Variants in SAMSN1 observed in about 807,000 individuals in gnomAD.
SAMSN1 encodes SAM domain-containing protein SAMSN-1.
In SAMSN1, 31 loss-of-function variants were observed where a neutral mutation model predicts 42.0. The observed-to-expected ratio is 0.74, with a 90% CI of 0.55 to 1.00. The LOEUF (loss-of-function observed/expected upper bound fraction) is 1.00. Ranked by LOEUF, SAMSN1 falls within the 50% of genes least tolerant of loss-of-function variation. The pLI is 0.00. For synonymous variants in SAMSN1, 178 were observed against 151.9 expected, an observed-to-expected ratio of 1.17 and a Z score of -1.26; for missense variants, 464 against 439.4, an observed-to-expected ratio of 1.06 and a Z score of -0.50.
intron 5 of SAMSN1, among the ~76,000 whole-genome samples, chr21:14,604,561 CA>C (rs1413076028): frequency 6.6e-6 from 1 of 152,012 alleles, no homozygotes; most frequent in East Asian, 1.9e-4. Flanking sequence ...AGCAAAAAAA[CA>C]AAAAAACAAT....
At chr21:14,617,045 C>T (rs138540014) in intron 2 of SAMSN1, among the ~76,000 whole-genome samples, 71 of 152,234 alleles carry the variant, frequency 4.7e-4, no homozygotes, top group African/African-American at 1.5e-3. Context: ...TTGAGCAGAA[C>T]GTTGCTAAAA....
intron 2 of SAMSN1, among the ~76,000 whole-genome samples, chr21:14,570,925 T>A (rs550266175): frequency 6.6e-6 from 1 of 152,184 alleles, no homozygotes; most frequent in African/African-American, 2.4e-5. Context: ...TAAGACCATA[T>A]GTGGTCTGAC....
chr21:14,515,933 C>A lies in SAMSN1; in HGVS notation c.279+959G>T, dbSNP rs542027983. On this transcript the variant is annotated intron_variant, in intron 3 of 7. Coordinates refer to ENST00000400566, the MANE Select transcript of SAMSN1 (RefSeq NM_022136.5). ...TCATCAGGGAAACGTAAAGTACAAC[C>A]AAATGTAAATCAAAATCACAATGAG... is the stretch of plus-strand genomic sequence containing the variant. Among the ~76,000 whole-genome samples the A allele has an allele frequency of 2.0e-4, 31 of 152,150 alleles. No individual in the cohort carries two copies. In the East Asian group the frequency reaches 5.2e-3, roughly 26 times the overall value.
At chr21:14,500,953 T>C (rs1206019629) in intron 5 of SAMSN1, among the ~76,000 whole-genome samples, 1 of 152,138 alleles carries the variant, frequency 6.6e-6, no homozygotes, top group Non-Finnish European at 1.5e-5. Context: ...GCGGGAGGAT[T>C]GCATGAGGCC....
At chr21:14,558,494 C>G (rs2123192734) in intron 2 of SAMSN1, among the ~76,000 whole-genome samples, 1 of 152,100 alleles carries the variant, frequency 6.6e-6, no homozygotes, top group South Asian at 2.1e-4. Flanking sequence ...GCCTGGGCAA[C>G]ATGGGGAAAC....
chr21:14,520,363 T>TTA (rs1213088070), intron 2 of SAMSN1, among the ~76,000 whole-genome samples: 2 of 152,174 alleles, frequency 1.3e-5, no homozygotes, highest in Admixed American at 6.5e-5. Flanking sequence ...ACATAACATT[T>TTA]TATATATATC....
Position 14,498,659 on chromosome 21 carries a change from T to A in SAMSN1, c.769-67A>T, listed in dbSNP as rs146072980. On this transcript the variant is annotated intron_variant, in intron 6 of 7. Transcript: ENST00000400566. ...TATTTTATTTTTAGTTCTCTTTAGA[T>A]TTAAAGAAAGTATAGAGATGCACAT... The A allele has an allele frequency of 9.7e-6, 13 of 1,337,062 alleles. No homozygotes were observed. In the African/African-American group the frequency reaches 1.8e-4, roughly 19 times the overall value. 82.8% of individuals were successfully genotyped at this position (1,337,062 alleles called of 1,614,324 possible).
intron 4 of SAMSN1, chr21:14,609,633 A>G: frequency 1.4e-6 from 1 of 710,486 alleles, no homozygotes; most frequent in Non-Finnish European, 2.6e-6. Flanking sequence ...AGTATAAGAC[A>G]TTTGAAATCA....
chr21:14,532,674 T>C (rs2123099326), intron 1 of SAMSN1, among the ~76,000 whole-genome samples: 1 of 152,300 alleles, frequency 6.6e-6, no homozygotes, highest in East Asian at 1.9e-4. Context: ...GAAGGAACTG[T>C]ATTTTTAAAG....
chr21:14,546,928 C>T (rs1317333641), upstream of SAMSN1, among the ~76,000 whole-genome samples: 1 of 152,060 alleles, frequency 6.6e-6, no homozygotes, highest in Non-Finnish European at 1.5e-5. Context: ...CCAAGATGGT[C>T]TCGATCTCCT....
intron 5 of SAMSN1, among the ~76,000 whole-genome samples, chr21:14,507,915 C>T (rs1987488212): frequency 6.6e-6 from 1 of 150,978 alleles, no homozygotes; most frequent in African/African-American, 2.4e-5. Context: ...ACTTAACGGC[C>T]AACTGATTTT....
At chr21:14,504,811 G>T (rs955369964) in intron 5 of SAMSN1, among the ~76,000 whole-genome samples, 1 of 152,180 alleles carries the variant, frequency 6.6e-6, no homozygotes, top group Non-Finnish European at 1.5e-5. Flanking sequence ...GTTATCTGAA[G>T]TTAAGACAAA....
At chr21:14,509,654 A>T (rs1987588102) in intron 5 of SAMSN1, among the ~76,000 whole-genome samples, 1 of 152,096 alleles carries the variant, frequency 6.6e-6, no homozygotes, top group Non-Finnish European at 1.5e-5. Context: ...TCTCTTCATT[A>T]TTTCTATTCC....
At chr21:14,561,970 C>A (rs987863915) in intron 2 of SAMSN1, among the ~76,000 whole-genome samples, 1 of 151,892 alleles carries the variant, frequency 6.6e-6, no homozygotes, top group Non-Finnish European at 1.5e-5. Context: ...ATGGCCCTGC[C>A]AATACCTTGA....
At chr21:14,626,168 T>C (rs774607204) in intron 2 of SAMSN1, among the ~76,000 whole-genome samples, 1 of 152,124 alleles carries the variant, frequency 6.6e-6, no homozygotes, top group Non-Finnish European at 1.5e-5. Context: ...CCTAAAACCA[T>C]AAAAACCCTA....
rs1462544192 is a variant in SAMSN1 at position 14,486,247 on chromosome 21, G to T, written c.920-133C>A. 5 of 636,820 alleles carry T rather than the reference G, an allele frequency of 7.9e-6. No homozygotes were observed. In the Admixed American group the frequency reaches 1.1e-4, roughly 15 times the overall value. The allele number at this position is 636,820 out of a possible 1,614,324, so 39.4% of individuals were successfully genotyped here. ...TTCATTACAATGGAAAGTTCTGCAA[G>T]TAAAAGGTATCTTTGTTTATTACAA... On this transcript the variant is annotated intron_variant, in intron 7 of 7. Transcript: ENST00000400566.
chr21:14,530,106 G>A (rs1979148310), intron 1 of SAMSN1, among the ~76,000 whole-genome samples: 1 of 152,260 alleles, frequency 6.6e-6, no homozygotes, highest in Admixed American at 6.5e-5. Flanking sequence ...CACGAGGTCA[G>A]GAGATCCAGA....
intron 3 of SAMSN1, among the ~76,000 whole-genome samples, chr21:14,514,834 A>G (rs1207756638): frequency 6.6e-6 from 1 of 152,234 alleles, no homozygotes; most frequent in Non-Finnish European, 1.5e-5. Flanking sequence ...AAATGAAGAT[A>G]TCAAATAAGC....
chr21:14,649,454 G>GA (rs947767299), intron 1 of SAMSN1, among the ~76,000 whole-genome samples: 1 of 151,968 alleles, frequency 6.6e-6, no homozygotes, highest in Non-Finnish European at 1.5e-5. Flanking sequence ...AAAAAGTTAT[G>GA]AAAAAAATAA....
Sources: allele counts gnomAD v4.1 joint callset (sites outside exome capture counted in the v4.1 genomes callset), GRCh38; gene constraint gnomAD v4.1.1; transcripts MANE v1.5; gene names NCBI Gene and HGNC (gene_info 2026-07-23, HGNC 2026-07-21).